Variants in HDLBP observed in about 807,000 individuals in gnomAD.
HDLBP encodes the protein high density lipoprotein binding protein.
In HDLBP, 30 loss-of-function variants were observed where a neutral mutation model predicts 137.3. The ratio of observed to expected loss-of-function variants is 0.22; its 90% CI spans 0.16 to 0.30. The LOEUF (loss-of-function observed/expected upper bound fraction) is 0.30, where lower values mean the gene tolerates loss of function less well. Among genes scored for constraint, HDLBP ranks in the 10% least tolerant of loss-of-function variants. HDLBP has a pLI of 1.00. For missense variants in HDLBP, 1,119 were observed against 1,667.3 expected, an observed-to-expected ratio of 0.67 and a Z score of 5.73; for synonymous variants, 606 against 596.0, an observed-to-expected ratio of 1.02 and a Z score of -0.24.
intron 9 of HDLBP, 89 bp downstream of exon 9, chr2:241,254,962 A>G (rs540218506): frequency 2.0e-6 from 2 of 1,010,716 alleles, no homozygotes; most frequent in Admixed American, 1.7e-5. Context: ...AAGGGCATCC[A>G]CAGTACAAAG....
At chr2:241,273,471 C>T (rs2074266141) in intron 1 of HDLBP, 1 of 535,928 alleles carries the variant, frequency 1.9e-6, no homozygotes. Flanking sequence ...GGTGGATACG[C>T]AGGACTGGGC....
At chr2:241,293,269 G>A (rs2075064696) in intron 1 of HDLBP, among the ~76,000 whole-genome samples, 1 of 151,982 alleles carries the variant, frequency 6.6e-6, no homozygotes, top group South Asian at 2.1e-4. Flanking sequence ...AAGCCCAGGA[G>A]TTTGAGACCA....
chr2:241,282,229 C>A (rs1309465193), intron 1 of HDLBP, among the ~76,000 whole-genome samples: 5 of 152,262 alleles, frequency 3.3e-5, no homozygotes, highest in Non-Finnish European at 4.4e-5. Context: ...TACAAGCAGG[C>A]CTTTCATGGA....
In HDLBP at chr2:241,249,944, C is replaced by T. The variant is rs2149453045; in HGVS notation, c.1409G>A (p.Arg470His). 2.5e-6 allele frequency: 4 copies of T among 1,613,342 alleles called. No homozygotes were observed. Among genetic ancestry groups the T allele is most frequent in the Non-Finnish European group, 3.4e-6 (4 of 1,179,670 alleles). ...GCTCTTCTCACTGTCAGGAGGGATGCGCACGGACACCTTGTACTGGTCTTT... is the reference window on the plus strand; with the variant it reads ...GCTCTTCTCACTGTCAGGAGGGATGTGCACGGACACCTTGTACTGGTCTTT... ...RIKDQYKVSV[R>H]IPPDSEKSNL... The change falls in exon 12 of 28, where the codon CGC becomes CAC. Residue 470 changes from arginine to histidine, a missense_variant. Around this residue, in one of 4 missense-constraint regions of HDLBP, gnomAD observed 425 missense variants for 693.9 expected, o/e 0.61. Coordinates refer to ENST00000310931, the MANE Select transcript of HDLBP (RefSeq NM_005336.6).
At position 241,239,082 on chromosome 2, in the gene HDLBP, G is replaced by A. The variant is rs953859588; in HGVS notation, c.2611-295C>T. 1.3e-4 allele frequency among the ~76,000 whole-genome samples: 19 copies of A among 150,078 alleles called. No homozygotes were observed. The highest frequency in any genetic ancestry group is 4.6e-4 in the African/African-American group (18 of 39,494). ...CTGGGGTAGCCTCTGACTCCATGAGGAGGCATCAGACTTGATTATTAGGGA... is the reference window on the plus strand; with the variant it reads ...CTGGGGTAGCCTCTGACTCCATGAGAAGGCATCAGACTTGATTATTAGGGA... On this transcript the variant is annotated intron_variant, in intron 19 of 27. Coordinates refer to ENST00000310931, the MANE Select transcript of HDLBP (RefSeq NM_005336.6). This position sits in a 1 kb window ranked among gnomAD's most constrained non-coding sequence, Gnocchi z 4.6.
chr2:241,288,698 T>C (rs1208104307), intron 1 of HDLBP, among the ~76,000 whole-genome samples: 1 of 152,208 alleles, frequency 6.6e-6, no homozygotes, highest in Non-Finnish European at 1.5e-5. Flanking sequence ...TCTGCCACCC[T>C]GAGCCGCTGA....
chr2:241,234,994 C>T, intron 23 of HDLBP, 127 bp downstream of exon 23: 2 of 1,138,570 alleles, frequency 1.8e-6, no homozygotes, highest in Non-Finnish European at 2.5e-6. Context: ...CCTGGCACTG[C>T]CTGCATCTCA....
chr2:241,255,338 T>C, intron 8 of HDLBP, 36 bp downstream of exon 8: 1 of 1,585,596 alleles, frequency 6.3e-7, no homozygotes, highest in Non-Finnish European at 8.7e-7. Flanking sequence ...CGGACTCCAC[T>C]CAAAGGAGAC....
chr2:241,259,875 C>G (rs1207584544), intron 5 of HDLBP, among the ~76,000 whole-genome samples: 1 of 152,174 alleles, frequency 6.6e-6, no homozygotes, highest in Non-Finnish European at 1.5e-5. Flanking sequence ...ACTGGAGTCT[C>G]CAACTGCAAT....
In HDLBP at chr2:241,229,697, G is replaced by A. The variant is rs1559467986; in HGVS notation, c.3721-10C>T. ...TGCTCATGTCAGGAGCCTGTGCAGA[G>A]AGAGGACACGGCTTCAGGAGGGGAT... On this transcript the variant is annotated splice_polypyrimidine_tract_variant and intron_variant, in intron 27 of 27. Coordinates refer to ENST00000310931, the MANE Select transcript of HDLBP (RefSeq NM_005336.6). 2.5e-6 allele frequency: 4 copies of A among 1,613,784 alleles called. No individual in the cohort carries two copies. The highest frequency in any genetic ancestry group is 1.3e-5 in the African/African-American group (1 of 74,934).
chr2:241,235,013 C>T, intron 23 of HDLBP, 108 bp downstream of exon 23: 1 of 1,364,396 alleles, frequency 7.3e-7, no homozygotes. Flanking sequence ...CACCTCCAGC[C>T]AGATGTCGCT....
chr2:241,264,673 G>A, intron 3 of HDLBP, 68 bp from the exon 4 acceptor site: 1 of 1,451,686 alleles, frequency 6.9e-7, no homozygotes. Flanking sequence ...ACTTTTAAGG[G>A]TTTTAGTGCT....
In HDLBP at chr2:241,232,172, G is replaced by A. The variant is rs369173731; in HGVS notation, c.3289-1228C>T. On this transcript the variant is annotated intron_variant, in intron 24 of 27. Transcript: ENST00000310931. ...CTGCCAGGTACAGAACCTCAAGATCGGAAGCACAGCTCACAGGAAAAAGCT... is the reference window on the plus strand; with the variant it reads ...CTGCCAGGTACAGAACCTCAAGATCAGAAGCACAGCTCACAGGAAAAAGCT... Among the ~76,000 whole-genome samples the A allele has an allele frequency of 7.4e-4, 112 of 152,262 alleles. 2 individuals are homozygous for A. The South Asian group carries it at 0.021, about 29-fold the overall frequency.
chr2:241,246,525 G>A, intron 16 of HDLBP: 1 of 475,128 alleles, frequency 2.1e-6, no homozygotes, highest in Non-Finnish European at 3.7e-6. Flanking sequence ...AATAAGACAA[G>A]TGCCCACGTC....
chr2:241,253,104 G>A lies in HDLBP; in HGVS notation c.1294-69C>T. The A allele has an allele frequency of 7.7e-6, 9 of 1,167,464 alleles. 1 individual carries two copies. The highest frequency in any genetic ancestry group is 7.1e-5 in the East Asian group (3 of 42,024). 72.3% of individuals were successfully genotyped at this position (1,167,464 alleles called of 1,614,324 possible). A position where few individuals can be genotyped will look rare whatever the true frequency, so the allele number is the denominator to read the frequency against. ...GGCCAATGAGCTGAACCAAAACCCAGCAGTCTCCACGGTTGCCTTTTCTGA... is the reference window on the plus strand; with the variant it reads ...GGCCAATGAGCTGAACCAAAACCCAACAGTCTCCACGGTTGCCTTTTCTGA... On this transcript the variant is annotated intron_variant, in intron 10 of 27. Transcript: ENST00000310931.
intron 7 of HDLBP, 152 bp downstream of exon 7, chr2:241,256,032 A>G: frequency 1.5e-6 from 1 of 683,814 alleles, no homozygotes; most frequent in East Asian, 2.7e-5. Context: ...GCGGGCACCG[A>G]TCTCACCCGG....
chr2:241,235,004 ACCT>A, intron 23 of HDLBP, 114 bp downstream of exon 23: 1 of 1,281,652 alleles, frequency 7.8e-7, no homozygotes, highest in Non-Finnish European at 1.1e-6. Context: ...CCTGCATCTC[ACCT>A]CCAGCCAGAT....
chr2:241,304,937 A>G lies in HDLBP; in HGVS notation c.-103+10633T>C, dbSNP rs557714241. On this transcript the variant is annotated intron_variant, in intron 1 of 27. Coordinates refer to ENST00000310931, the MANE Select transcript of HDLBP (RefSeq NM_005336.6). ...TCCTGGGCCTGTCTCTTCTCCTATA[A>G]AAAGTTGATATTAATGCCTTTTGTG... Among the ~76,000 whole-genome samples the G allele has an allele frequency of 9.2e-5, 14 of 152,364 alleles. 2 individuals carry two copies. Among genetic ancestry groups the G allele is most frequent in the African/African-American group, 3.1e-4 (13 of 41,584 alleles).
chr2:241,311,785 T>C (rs960905692), intron 1 of HDLBP, among the ~76,000 whole-genome samples: 3 of 152,196 alleles, frequency 2.0e-5, no homozygotes, highest in South Asian at 2.1e-4. Context: ...AATGGCAATA[T>C]GTAGTCATAA....
Sources: allele counts gnomAD v4.1 joint callset (sites outside exome capture counted in the v4.1 genomes callset), GRCh38; gene constraint gnomAD v4.1.1; regional missense constraint gnomAD v4.1.1; non-coding constraint Gnocchi (gnomAD v3.1); transcripts MANE v1.5; gene names NCBI Gene and HGNC (gene_info 2026-07-23, HGNC 2026-07-21).